SPATA6: variants seen among roughly 807,000 people sequenced by gnomAD.
The protein encoded by SPATA6 is spermatogenesis associated 6.
SPATA6 carries 56 observed loss-of-function variants against 65.3 expected under a neutral mutation model. That is an observed-to-expected ratio of 0.86 (90% CI 0.69 to 1.07). The LOEUF (loss-of-function observed/expected upper bound fraction) is 1.07. Among genes scored for constraint, SPATA6 ranks in the 50% least tolerant of loss-of-function variants. The pLI is 0.00. For missense variants in SPATA6, 590 were observed against 594.8 expected, an observed-to-expected ratio of 0.99 and a Z score of 0.08; for synonymous variants, 199 against 213.2, an observed-to-expected ratio of 0.93 and a Z score of 0.58.
chr1:48,282,065 C>G, the SPATA6 span, among the ~76,000 whole-genome samples: 1 of 152,104 alleles, frequency 6.6e-6, no homozygotes, highest in Non-Finnish European at 1.5e-5. Context: ...ACAAACCTGA[C>G]AAAAACAAGA....
At chr1:48,462,367 T>A (rs981723069) in intron 1 of SPATA6, among the ~76,000 whole-genome samples, 1 of 151,964 alleles carries the variant, frequency 6.6e-6, no homozygotes, top group Non-Finnish European at 1.5e-5. Context: ...TAAAAAATAA[T>A]ATGATAGCTA....
At chr1:48,428,160 T>C (rs554343171) in intron 3 of SPATA6, among the ~76,000 whole-genome samples, 2 of 152,172 alleles carry the variant, frequency 1.3e-5, no homozygotes, top group African/African-American at 2.4e-5. Flanking sequence ...GCCTTAATAA[T>C]AACATAAAAA....
chr1:48,442,228 T>A (rs1313947016), intron 3 of SPATA6, among the ~76,000 whole-genome samples: 3 of 152,166 alleles, frequency 2.0e-5, no homozygotes, highest in Non-Finnish European at 4.4e-5. Flanking sequence ...GCAGAACTAG[T>A]GGCACTTCCC....
intron 1 of SPATA6, among the ~76,000 whole-genome samples, chr1:48,453,683 T>C (rs1487702324): frequency 1.3e-5 from 2 of 152,326 alleles, no homozygotes; most frequent in African/African-American, 2.4e-5. Flanking sequence ...TATTTAGTTA[T>C]ATAGTTAAGT....
At chr1:48,423,560 CTTTCTTT>C (rs1452731302) in intron 3 of SPATA6, among the ~76,000 whole-genome samples, 1,766 of 98,860 alleles carry the variant, frequency 0.018, 23 homozygotes, top group African/African-American at 0.055. Context: ...TTCTTTCTTT[CTTTCTTT>C]TTTTTTTTTT....
intron 5 of SPATA6, among the ~76,000 whole-genome samples, chr1:48,404,328 A>G (rs913325522): frequency 1.3e-5 from 2 of 152,194 alleles, no homozygotes; most frequent in Non-Finnish European, 2.9e-5. Context: ...ATCATGTTGT[A>G]TATCATAAAT....
chr1:48,280,186 T>G, the SPATA6 span, among the ~76,000 whole-genome samples: 1 of 151,852 alleles, frequency 6.6e-6, no homozygotes, highest in African/African-American at 2.4e-5. Flanking sequence ...CAAAGCAGTG[T>G]GTAGCGGGAA....
chr1:48,451,526 A>G, intron 3 of SPATA6, 26 bp downstream of exon 3: 3 of 1,593,210 alleles, frequency 1.9e-6, no homozygotes, highest in Non-Finnish European at 2.6e-6. Context: ...TCTTAGAATC[A>G]GGAATTAAAA....
At chr1:48,435,281 G>C (rs915202351) in intron 3 of SPATA6, among the ~76,000 whole-genome samples, 1 of 152,188 alleles carries the variant, frequency 6.6e-6, no homozygotes, top group African/African-American at 2.4e-5. Context: ...GATTGTAAAT[G>C]CACCAAGCAG....
At chr1:48,361,632 C>G (rs150304171) in intron 9 of SPATA6, among the ~76,000 whole-genome samples, 1 of 152,064 alleles carries the variant, frequency 6.6e-6, no homozygotes, top group East Asian at 1.9e-4. Flanking sequence ...AATATTTGAC[C>G]ATTTAGACAG....
At chr1:48,273,991 C>A in the SPATA6 span, among the ~76,000 whole-genome samples, 1 of 152,186 alleles carries the variant, frequency 6.6e-6, no homozygotes, top group African/African-American at 2.4e-5. Flanking sequence ...TCTCTACATC[C>A]TCTCCAGCAT....
At chr1:48,421,764 A>G (rs775420440) in intron 3 of SPATA6, among the ~76,000 whole-genome samples, 56 of 152,138 alleles carry the variant, frequency 3.7e-4, no homozygotes, top group Non-Finnish European at 6.5e-4. Context: ...AAATATAGTC[A>G]GAAATATACA....
intron 9 of SPATA6, among the ~76,000 whole-genome samples, chr1:48,370,758 G>A (rs1647215611): frequency 6.6e-6 from 1 of 152,168 alleles, no homozygotes; most frequent in Admixed American, 6.5e-5. Flanking sequence ...TCAAACAGCT[G>A]TTAAGCAGTG....
chr1:48,416,037 T>TTTAA (rs1652750246), intron 3 of SPATA6, among the ~76,000 whole-genome samples: 1 of 152,090 alleles, frequency 6.6e-6, no homozygotes, highest in South Asian at 2.1e-4. Flanking sequence ...ACCCTGTCTC[T>TTTAA]ACAGAAAATA....
intron 11 of SPATA6, chr1:48,325,222 A>G: frequency 1.4e-6 from 1 of 722,706 alleles, no homozygotes; most frequent in Admixed American, 2.2e-5. Flanking sequence ...GCACAATGGG[A>G]GTCAAGTCCA....
intron 11 of SPATA6, among the ~76,000 whole-genome samples, chr1:48,353,763 G>GA (rs910761785): frequency 2.6e-5 from 4 of 151,112 alleles, no homozygotes; most frequent in African/African-American, 9.7e-5. Flanking sequence ...CCACTATGTG[G>GA]AAAAAAAATA....
intron 9 of SPATA6, among the ~76,000 whole-genome samples, chr1:48,364,138 T>A (rs1306214306): frequency 6.6e-6 from 1 of 152,226 alleles, no homozygotes; most frequent in Middle Eastern, 3.2e-3. Context: ...AACTCATCAT[T>A]TTTTATGGCT....
chr1:48,350,485 T>C (rs1456399013), intron 11 of SPATA6, among the ~76,000 whole-genome samples: 1 of 151,856 alleles, frequency 6.6e-6, no homozygotes, highest in Non-Finnish European at 1.5e-5. Flanking sequence ...TAAAAACTCA[T>C]TGCCGAAATT....
intron 5 of SPATA6, 126 bp from the exon 6 acceptor site, chr1:48,404,008 C>T: frequency 1.6e-6 from 1 of 628,678 alleles, no homozygotes; most frequent in Non-Finnish European, 2.6e-6. Context: ...TTAGTTTGAA[C>T]TTTTCATTAA....
Sources: gnomAD v4.1 joint callset for allele counts (sites outside exome capture counted in the v4.1 genomes callset) on GRCh38, gnomAD v4.1.1 for gene constraint, MANE v1.5 for transcripts, NCBI Gene and HGNC (gene_info 2026-07-23, HGNC 2026-07-21) for gene names.